PLXNA4: variants seen among roughly 807,000 people sequenced by gnomAD.
PLXNA4 encodes the protein plexin A4, also known as plexin-A4.
In PLXNA4, 44 loss-of-function variants were observed where a neutral mutation model predicts 191.8. The observed-to-expected ratio is 0.23, with a 90% CI of 0.18 to 0.29. The LOEUF is 0.29. Ranked by LOEUF, PLXNA4 falls within the 10% of genes least tolerant of loss-of-function variation. PLXNA4 has a pLI of 1.00. For synonymous variants in PLXNA4, 1,082 were observed against 1,009.5 expected (o/e 1.07, Z -1.36); for missense variants, 1,800 against 2,488.8 (o/e 0.72, Z 5.89).
intron 4 of PLXNA4, among the ~76,000 whole-genome samples, chr7:132,246,483 G>A (rs1799054295): frequency 6.6e-6 from 1 of 152,124 alleles, no homozygotes; most frequent in African/African-American, 2.4e-5. Flanking sequence ...TAGACGAGGA[G>A]CTCTCAATTC....
intron 1 of PLXNA4, among the ~76,000 whole-genome samples, chr7:132,570,530 G>T (rs1188736769): frequency 6.6e-6 from 1 of 152,226 alleles, no homozygotes; most frequent in Non-Finnish European, 1.5e-5. Flanking sequence ...TTCGAGAAGA[G>T]TTCAGTGAGT....
intron 3 of PLXNA4, among the ~76,000 whole-genome samples, chr7:132,438,291 T>C (rs1216410657): frequency 6.6e-6 from 1 of 151,982 alleles, no homozygotes; most frequent in Non-Finnish European, 1.5e-5. Context: ...GTAACTATCA[T>C]AGGGTTGCTT....
intron 24 of PLXNA4, among the ~76,000 whole-genome samples, chr7:132,163,477 T>A (rs548713400): frequency 1.3e-5 from 2 of 152,320 alleles, no homozygotes; most frequent in South Asian, 4.2e-4. Context: ...CCTGCCCCAA[T>A]TCACCCTGTT....
At position 132,229,014 on chromosome 7, in the gene PLXNA4, G is replaced by A. The variant is rs575337329; in HGVS notation, c.1605-545C>T. Among the ~76,000 whole-genome samples the A allele has an allele frequency of 1.8e-4, 27 of 152,118 alleles. No homozygotes were observed. The East Asian group carries it at 4.3e-3, about 24-fold the overall frequency. ...TCCTCCTATGATCTCATAGCACCTC[G>A]GAGTCTCCTACTTTAATAAGTCTGG... On this transcript the variant is annotated intron_variant, in intron 5 of 31. Coordinates refer to ENST00000321063, the MANE Select transcript of PLXNA4 (RefSeq NM_020911.2).
intron 1 of PLXNA4, among the ~76,000 whole-genome samples, chr7:132,547,785 T>C (rs1800374413): frequency 6.6e-6 from 1 of 151,996 alleles, no homozygotes; most frequent in East Asian, 1.9e-4. Flanking sequence ...ACAAGAGAGT[T>C]TGTTGGTGGC....
At chr7:132,427,851 A>G (rs1372544953) in intron 3 of PLXNA4, among the ~76,000 whole-genome samples, 2 of 152,272 alleles carry the variant, frequency 1.3e-5, no homozygotes. Context: ...TGCAAAAGGA[A>G]AATGGAAGTG....
At chr7:132,614,742 CA>C (rs1563195279) in intron 2 of PLXNA4, among the ~76,000 whole-genome samples, 2 of 152,200 alleles carry the variant, frequency 1.3e-5, no homozygotes, top group African/African-American at 4.8e-5. Context: ...GGTACTAGTT[CA>C]GTTTATTCAG....
intron 4 of PLXNA4, among the ~76,000 whole-genome samples, chr7:132,267,072 G>A (rs1057420230): frequency 4.6e-5 from 7 of 152,158 alleles, no homozygotes; most frequent in East Asian, 1.9e-4. Flanking sequence ...CTGTCGCAAG[G>A]CTTGGGGTCT....
rs3085197 is a variant in PLXNA4 at position 132,189,030 on chromosome 7, A to AAGAGAG, written c.2857-1429_2857-1424dup. On this transcript the variant is annotated intron_variant, in intron 14 of 31. Coordinates refer to ENST00000321063, the MANE Select transcript of PLXNA4 (RefSeq NM_020911.2). ...AGAGAGAGAGAGAGAGAGAGAGAGA[A>AAGAGAG]AGAGAGAGAGAGAGAGAGAGAGAGA... Among the ~76,000 whole-genome samples, 13 of 61,956 alleles carry AAGAGAG rather than the reference A, an allele frequency of 2.1e-4. 1 individual carries two copies. The highest frequency in any genetic ancestry group is 4.7e-4 in the East Asian group (1 of 2,134). The allele number at this position is 61,956 out of a possible 152,430, so 40.6% of individuals were successfully genotyped here.
intron 8 of PLXNA4, among the ~76,000 whole-genome samples, chr7:132,225,622 C>CA (rs891083563): frequency 1.9e-4 from 29 of 150,712 alleles, no homozygotes; most frequent in Non-Finnish European, 3.5e-4. Flanking sequence ...GTCCGCCCCC[C>CA]CCCACAGCTT....
chr7:132,132,463 T>TTCTGC (rs1196484529), intron 31 of PLXNA4, among the ~76,000 whole-genome samples: 168 of 65,586 alleles, frequency 2.6e-3, no homozygotes, highest in East Asian at 0.02. Context: ...TTCTGTTCTG[T>TTCTGC]TCTGCTCTGC....
intron 1 of PLXNA4, among the ~76,000 whole-genome samples, chr7:132,537,560 C>G (rs1799899975): frequency 6.6e-6 from 1 of 152,192 alleles, no homozygotes; most frequent in Admixed American, 6.5e-5. Flanking sequence ...TAGTTAGAGA[C>G]AAACACCAGA....
chr7:132,594,926 GATAGATAGA>G (rs1563189652), intron 2 of PLXNA4, among the ~76,000 whole-genome samples: 2 of 98,050 alleles, frequency 2.0e-5, no homozygotes, highest in South Asian at 2.8e-4. Context: ...TAGATAGATA[GATAGATAGA>G]TAGATAGATA....
At chr7:132,373,446 C>T (rs1292810721) in intron 3 of PLXNA4, among the ~76,000 whole-genome samples, 1 of 152,166 alleles carries the variant, frequency 6.6e-6, no homozygotes. Context: ...GTTAGTGAAA[C>T]CAGCAGAGTG....
chr7:132,395,017 G>A (rs1793696347), intron 3 of PLXNA4, among the ~76,000 whole-genome samples: 1 of 152,256 alleles, frequency 6.6e-6, no homozygotes, highest in Non-Finnish European at 1.5e-5. Flanking sequence ...AGGTGTGGCT[G>A]CACACTCCAG....
At chr7:132,531,426 G>A (rs931947579) in intron 1 of PLXNA4, among the ~76,000 whole-genome samples, 1 of 152,118 alleles carries the variant, frequency 6.6e-6, no homozygotes, top group Admixed American at 6.5e-5. Context: ...TAGTCTATAA[G>A]GTAGATATTA....
chr7:132,407,456 GCATGCACA>G (rs1304338448), intron 3 of PLXNA4, among the ~76,000 whole-genome samples: 2 of 152,184 alleles, frequency 1.3e-5, no homozygotes, highest in African/African-American at 4.8e-5. Flanking sequence ...CATCCTACAT[GCATGCACA>G]CATGCACATG....
intron 9 of PLXNA4, among the ~76,000 whole-genome samples, chr7:132,218,361 AGAG>A (rs1798036285): frequency 6.6e-6 from 1 of 152,194 alleles, no homozygotes; most frequent in Non-Finnish European, 1.5e-5. Context: ...TTGAACTTCA[AGAG>A]AAGAGGCGTT....
chr7:132,486,950 C>A (rs559196422), intron 3 of PLXNA4, among the ~76,000 whole-genome samples: 1 of 152,250 alleles, frequency 6.6e-6, no homozygotes, highest in Admixed American at 6.5e-5. Context: ...ACCTCCCTGT[C>A]GGGGAACAGA....
Sources: gnomAD v4.1 joint callset for allele counts (sites outside exome capture counted in the v4.1 genomes callset) on GRCh38, gnomAD v4.1.1 for gene constraint, MANE v1.5 for transcripts, NCBI Gene and HGNC (gene_info 2026-07-23, HGNC 2026-07-21) for gene names.